Variants in GASK1A observed in about 807,000 individuals in gnomAD.
GASK1A encodes the protein Golgi-associated kinase 1A.
GASK1A carries 40 observed loss-of-function variants against 41.2 expected under a neutral mutation model. That is an observed-to-expected ratio of 0.97 (90% confidence interval 0.75 to 1.27). GASK1A has a LOEUF of 1.27. GASK1A is among the 50% of genes most tolerant of loss of function. GASK1A has a pLI of 0.00. For synonymous variants in GASK1A, 316 were observed against 307.1 expected (o/e 1.03, Z -0.30); for missense variants, 678 against 745.1 (o/e 0.91, Z 1.05).
chr3:43,033,923 G>T (rs544302029), intron 2 of GASK1A, among the ~76,000 whole-genome samples: 2 of 152,086 alleles, frequency 1.3e-5, no homozygotes, highest in African/African-American at 2.4e-5. Context: ...TTGCAGCTTC[G>T]TGACTATATA....
In GASK1A at chr3:43,055,528, A is replaced by T; in HGVS notation, c.1510A>T (p.Ile504Leu). The T allele has an allele frequency of 6.4e-7, 1 of 1,551,646 alleles. No homozygotes were observed. The highest frequency in any genetic ancestry group is 1.4e-5 in the African/African-American group (1 of 73,186). The change falls in exon 4 of 5, where the codon ATA (isoleucine) becomes TTA (leucine). Residue 504 changes from isoleucine to leucine, a missense_variant. Transcript: ENST00000430121. ...GCTGAACTTTCGGCTGCTGGAGGGC[A>T]TAGATGGGTGAGGGTCAAAAGGGTT... ...DKLNFRLLEG[I>L]DGFPESAVKV...
At chr3:43,017,475 C>G (rs834184) in intron 1 of GASK1A, among the ~76,000 whole-genome samples, 148,191 of 148,230 alleles carry the variant, frequency 1, 74,076 homozygotes, top group Middle Eastern at 1. Flanking sequence ...ACAGTAAGGG[C>G]TAGTGTGGGG....
chr3:42,987,705 A>G (rs1200490890), intron 1 of GASK1A, among the ~76,000 whole-genome samples: 1 of 152,178 alleles, frequency 6.6e-6, no homozygotes, highest in African/African-American at 2.4e-5. Context: ...TCACAAGAGT[A>G]GGATAGAGAG....
At chr3:43,031,148 T>C (rs1226943832) in intron 1 of GASK1A, among the ~76,000 whole-genome samples, 2 of 152,222 alleles carry the variant, frequency 1.3e-5, no homozygotes, top group Non-Finnish European at 2.9e-5. Flanking sequence ...GGGAGTTTTT[T>C]TGTGATTTGG....
At chr3:43,047,010 G>T (rs912659304) in intron 2 of GASK1A, among the ~76,000 whole-genome samples, 3 of 152,268 alleles carry the variant, frequency 2.0e-5, no homozygotes, top group African/African-American at 7.2e-5. Context: ...GCAGAAGTCT[G>T]CTGAAGGGGT....
intron 2 of GASK1A, among the ~76,000 whole-genome samples, chr3:43,048,784 A>T (rs954101127): frequency 3.3e-5 from 5 of 152,162 alleles, no homozygotes; most frequent in Non-Finnish European, 7.3e-5. Context: ...TGGGGACTGT[A>T]TGGTTGGGAC....
intron 1 of GASK1A, among the ~76,000 whole-genome samples, chr3:42,981,249 G>A (rs988210718): frequency 6.6e-6 from 1 of 152,156 alleles, no homozygotes; most frequent in African/African-American, 2.4e-5. Context: ...GTCATCCTCT[G>A]GCAGTGAAAT....
At chr3:43,047,131 CCAT>C (rs2089668125) in intron 2 of GASK1A, among the ~76,000 whole-genome samples, 1 of 152,172 alleles carries the variant, frequency 6.6e-6, no homozygotes, top group African/African-American at 2.4e-5. Flanking sequence ...GAGAAGAGGG[CCAT>C]CATCCTCCAG....
intron 2 of GASK1A, among the ~76,000 whole-genome samples, chr3:43,048,899 G>C (rs984393962): frequency 6.6e-6 from 1 of 152,164 alleles, no homozygotes; most frequent in African/African-American, 2.4e-5. Context: ...AATTCAGGGG[G>C]CGCATCACTT....
At chr3:43,024,092 T>C (rs1211770409) in intron 1 of GASK1A, among the ~76,000 whole-genome samples, 3 of 152,138 alleles carry the variant, frequency 2.0e-5, no homozygotes, top group Admixed American at 1.3e-4. Flanking sequence ...TCTGGTGCCT[T>C]GTGGACTTAG....
chr3:43,013,073 GAAGTCACAGGAAGGGGCAGTGGA>G lies in GASK1A; in HGVS notation c.4-19185_4-19163del, dbSNP rs1461247954. ...GGGAAGTCACAGGGAGGGGCAGAGG[GAAGTCACAGGAAGGGGCAGTGGA>G]AAGTCACAAGAAGGAGTGTGTGAAG... is the stretch of plus-strand genomic sequence containing the variant. On this transcript the variant is annotated intron_variant, in intron 1 of 4. Transcript: ENST00000430121. 4.6e-5 allele frequency among the ~76,000 whole-genome samples: 7 copies of G among 151,486 alleles called. No homozygotes were observed. The South Asian group carries it at 1.5e-3, about 32-fold the overall frequency.
intron 2 of GASK1A, among the ~76,000 whole-genome samples, chr3:43,042,386 G>A (rs77667936): frequency 0.01 from 1,589 of 152,102 alleles, 25 homozygotes; most frequent in African/African-American, 0.032. Context: ...AGGAGGCTGA[G>A]GGGGAAGGAT....
In GASK1A at chr3:42,998,337, G is replaced by T. The variant is rs1160608535; in HGVS notation, c.3+18692G>T. Reference sequence around the variant, plus strand: ...GGGCAAGCGATGCAGACGCACTCGGGACTGGACCACCTGACAGAGTTCATG... The same window carrying T: ...GGGCAAGCGATGCAGACGCACTCGGTACTGGACCACCTGACAGAGTTCATG... On this transcript the variant is annotated intron_variant, in intron 1 of 4. Coordinates refer to ENST00000430121, the MANE Select transcript of GASK1A (RefSeq NM_001129908.3). Among the ~76,000 whole-genome samples the T allele has an allele frequency of 1.1e-4, 16 of 152,160 alleles. No individual in the cohort carries two copies. In the East Asian group the frequency reaches 3.1e-3, roughly 29 times the overall value.
chr3:43,013,801 A>G (rs1271575248), intron 1 of GASK1A, among the ~76,000 whole-genome samples: 1 of 149,880 alleles, frequency 6.7e-6, no homozygotes, highest in East Asian at 2.0e-4. Context: ...AAGTGGCTGT[A>G]TGAACTCACA....
chr3:43,016,433 G>T (rs940890242), intron 1 of GASK1A, among the ~76,000 whole-genome samples: 1 of 151,656 alleles, frequency 6.6e-6, no homozygotes, highest in African/African-American at 2.4e-5. Flanking sequence ...GGAGCAGTGT[G>T]ACATGACAGG....
Position 43,032,369 on chromosome 3 carries a change from C to G in GASK1A, c.106C>G (p.Gln36Glu), listed in dbSNP as rs1449863274. 6.4e-7 allele frequency: 1 copy of G among 1,551,652 alleles called. No homozygotes were observed. Among genetic ancestry groups the G allele is most frequent in the East Asian group, 2.4e-5 (1 of 40,918 alleles). Reference protein sequence around the residue: ...SAMAVTRFPPQRPSAGPDPGP... With the variant: ...SAMAVTRFPPERPSAGPDPGP... Reference sequence around the variant, plus strand: ...GATGGCTGTCACCCGCTTTCCCCCACAGCGTCCATCCGCCGGCCCAGACCC... The same window carrying G: ...GATGGCTGTCACCCGCTTTCCCCCAGAGCGTCCATCCGCCGGCCCAGACCC... Residue 36 changes from glutamine to glutamate, a missense_variant, in exon 2 of 5, where the codon CAG becomes GAG. Transcript: ENST00000430121.
intron 1 of GASK1A, 102 bp downstream of exon 1, chr3:42,979,747 CGGCCTCCCGA>C: frequency 1.7e-6 from 2 of 1,173,570 alleles, no homozygotes; most frequent in Non-Finnish European, 2.2e-6. Flanking sequence ...GCAGCCTGCG[CGGCCTCCCGA>C]GGCCGGAGTT....
intron 1 of GASK1A, among the ~76,000 whole-genome samples, chr3:43,029,016 G>T (rs1162252299): frequency 1.3e-5 from 2 of 152,134 alleles, no homozygotes; most frequent in Non-Finnish European, 1.5e-5. Flanking sequence ...TGTCAGGTGA[G>T]GGGGGAAGAT....
Position 43,033,126 on chromosome 3 carries a change from A to C in GASK1A, c.863A>C (p.Gln288Pro). 1 of 1,550,964 alleles carries C rather than the reference A, an allele frequency of 6.4e-7. No homozygotes were observed. Among genetic ancestry groups the C allele is most frequent in the Non-Finnish European group, 8.7e-7 (1 of 1,146,482 alleles). The change falls in exon 2 of 5, where the codon CAG becomes CCG. Residue 288 changes from glutamine to proline, a missense_variant. Transcript: ENST00000430121. The part of the protein sequence containing the change: ...VDKARVPAHG[Q>P]VLQVGFSTEA... ...AAAGCCAGGGTCCCCGCCCATGGGC[A>C]GGTGCTACAGGTTGGCTTCTCCACT...
Sources: gnomAD v4.1 joint callset for allele counts (sites outside exome capture counted in the v4.1 genomes callset) on GRCh38, gnomAD v4.1.1 for gene constraint, MANE v1.5 for transcripts, NCBI Gene and HGNC (gene_info 2026-07-23, HGNC 2026-07-21) for gene names.